The following RNF146 variants were observed in gnomAD, a reference collection of about 807,000 sequenced individuals.
RNF146 encodes the protein E3 ubiquitin-protein ligase RNF146.
In RNF146, 11 loss-of-function variants were observed where a neutral mutation model predicts 29.7. The ratio of observed to expected loss-of-function variants is 0.37; its 90% confidence interval spans 0.23 to 0.61. The LOEUF is 0.61. RNF146 is among the 20% of genes least tolerant of loss of function. The probability of loss-of-function intolerance (pLI) is 0.66; values close to 1 mark genes in which losing one functional copy is unlikely to be tolerated. For missense variants in RNF146, 342 were observed against 438.9 expected (o/e 0.78, Z 1.97); for synonymous variants, 150 against 159.7 (o/e 0.94, Z 0.46).
chr6:127,277,235 C>A (rs1477288917), intron 1 of RNF146, among the ~76,000 whole-genome samples: 1 of 151,954 alleles, frequency 6.6e-6, no homozygotes, highest in Admixed American at 6.6e-5. Flanking sequence ...TAAATTGTCT[C>A]CTCCTGTCCT....
chr6:127,276,923 C>T (rs969732045), intron 1 of RNF146, among the ~76,000 whole-genome samples: 2 of 151,912 alleles, frequency 1.3e-5, no homozygotes, highest in Admixed American at 6.6e-5. Flanking sequence ...TGTCTACTGG[C>T]CTAGAATTTC....
intron 1 of RNF146, among the ~76,000 whole-genome samples, chr6:127,279,490 A>G (rs1324680629): frequency 2.0e-5 from 3 of 151,780 alleles, no homozygotes; most frequent in Non-Finnish European, 2.9e-5. Flanking sequence ...TATCTGTCCT[A>G]TGCCAGCACC....
chr6:127,280,652 C>A (rs1232466280), intron 2 of RNF146: 1 of 789,140 alleles, frequency 1.3e-6, no homozygotes, highest in East Asian at 8.0e-5. Context: ...TCTTAAATAA[C>A]TAAGCTAGGC....
intron 2 of RNF146, 78 bp downstream of exon 2, chr6:127,280,418 C>A: frequency 6.7e-7 from 1 of 1,491,510 alleles, no homozygotes; most frequent in African/African-American, 1.4e-5. Context: ...AATTGAGTAT[C>A]TGTCATATGT....
chr6:127,282,913 A>T (rs866943783), intron 2 of RNF146, among the ~76,000 whole-genome samples: 2 of 151,848 alleles, frequency 1.3e-5, no homozygotes, highest in Non-Finnish European at 2.9e-5. Context: ...TTCTAAATTC[A>T]GACTTTAAAA....
intron 1 of RNF146, among the ~76,000 whole-genome samples, chr6:127,271,121 G>A (rs1049480099): frequency 4.6e-5 from 7 of 151,976 alleles, no homozygotes; most frequent in Non-Finnish European, 7.4e-5. Flanking sequence ...GCCTCCTTAC[G>A]ATTTTTTAAA....
chr6:127,288,552 T>C lies in RNF146; in HGVS notation c.*859T>C, dbSNP rs557985113. On this transcript the variant is annotated 3_prime_UTR_variant, in exon 3 of 3. Transcript: ENST00000368314. ...GCAGTGTGTATATAATAAACATGTA[T>C]GGAAATAAAACTAAAGCCTGTGAGA... is the stretch of plus-strand genomic sequence containing the variant. 6.0e-5 allele frequency: 10 copies of C among 166,986 alleles called. No homozygotes were observed. The East Asian group carries it at 1.9e-3, about 32-fold the overall frequency. 10.3% of individuals were successfully genotyped at this position (166,986 alleles called of 1,614,324 possible).
intron 1 of RNF146, among the ~76,000 whole-genome samples, chr6:127,268,279 T>C (rs188866208): frequency 2.2e-4 from 34 of 152,192 alleles, no homozygotes; most frequent in Admixed American, 6.5e-4. Flanking sequence ...TATATAATTA[T>C]AGAATTTGGA....
Position 127,287,492 on chromosome 6 carries a change from T to C in RNF146, c.879T>C (p.Ser293=), listed in dbSNP as rs1012273525. The C allele has an allele frequency of 5.0e-6, 8 of 1,613,108 alleles. No homozygotes were observed. Among genetic ancestry groups the C allele is most frequent in the Non-Finnish European group, 6.8e-6 (8 of 1,179,578 alleles). ...TSIEETESDA[S]SDSEDVSAVV... Reference sequence around the variant, plus strand: ...TTGAAGAAACTGAATCAGATGCCAGTAGTGATAGTGAGGATGTATCTGCAG... The same window carrying C: ...TTGAAGAAACTGAATCAGATGCCAGCAGTGATAGTGAGGATGTATCTGCAG... Residue 293 remains serine, a synonymous_variant, in exon 3 of 3, where the codon AGT becomes AGC. Transcript: ENST00000368314.
intron 1 of RNF146, among the ~76,000 whole-genome samples, chr6:127,267,955 T>C (rs1464606193): frequency 6.6e-6 from 1 of 152,270 alleles, no homozygotes; most frequent in African/African-American, 2.4e-5. Context: ...AGGTAAAACC[T>C]ACAGGACTGT....
chr6:127,285,911 A>ATTGT (rs1779456157), intron 2 of RNF146: 2 of 494,616 alleles, frequency 4.0e-6, no homozygotes, highest in Non-Finnish European at 6.2e-6. Flanking sequence ...ACCCATCAGT[A>ATTGT]CTTAGTATTG....
At chr6:127,282,735 C>T (rs1197728135) in intron 2 of RNF146, among the ~76,000 whole-genome samples, 1 of 151,744 alleles carries the variant, frequency 6.6e-6, no homozygotes, top group African/African-American at 2.4e-5. Flanking sequence ...ACCTGCTGTT[C>T]AAATGGTCTG....
chr6:127,268,541 G>A (rs1012918098), intron 1 of RNF146, among the ~76,000 whole-genome samples: 1 of 152,170 alleles, frequency 6.6e-6, no homozygotes, highest in South Asian at 2.1e-4. Flanking sequence ...GATTTTGGAT[G>A]TGTTTGTTTT....
At chr6:127,272,151 T>C (rs569692501) in intron 1 of RNF146, among the ~76,000 whole-genome samples, 1 of 152,322 alleles carries the variant, frequency 6.6e-6, no homozygotes, top group South Asian at 2.1e-4. Context: ...TTCCTGAGCT[T>C]AGGCTTCCTC....
chr6:127,275,428 A>G (rs1440741752), intron 1 of RNF146, among the ~76,000 whole-genome samples: 1 of 152,130 alleles, frequency 6.6e-6, no homozygotes, highest in Non-Finnish European at 1.5e-5. Flanking sequence ...ATTTGAATAA[A>G]TCTAATCCTT....
At chr6:127,268,237 A>G (rs900150599) in intron 1 of RNF146, among the ~76,000 whole-genome samples, 1 of 152,182 alleles carries the variant, frequency 6.6e-6, no homozygotes, top group Non-Finnish European at 1.5e-5. Flanking sequence ...TTCAAATGGG[A>G]TGTGAACGTA....
intron 2 of RNF146, chr6:127,285,349 G>A (rs777980589): frequency 1.5e-5 from 15 of 984,454 alleles, no homozygotes; most frequent in African/African-American, 1.0e-4. Flanking sequence ...TTTGATGAGC[G>A]TAAGCATTCT....
Position 127,287,091 on chromosome 6 carries a change from C to T in RNF146, c.478C>T (p.His160Tyr). 6.2e-7 allele frequency: 1 copy of T among 1,613,262 alleles called. No individual in the cohort carries two copies. The highest frequency in any genetic ancestry group is 8.5e-7 in the Non-Finnish European group (1 of 1,179,572). The change falls in exon 3 of 3, where the codon CAT (histidine) becomes TAT (tyrosine). Residue 160 changes from histidine (H) to tyrosine (Y), a missense_variant. His to Tyr is a moderately conservative substitution (Grantham distance 83). Coordinates refer to ENST00000368314, the MANE Select transcript of RNF146 (RefSeq NM_001242850.2). ...ENMVQYRRNE[H>Y]GRRRKIKRDI... ...CATGGTTCAATATAGGAGAAATGAA[C>T]ATGGACGTCGCAGGAAGATTAAGCG...
In RNF146 at chr6:127,287,371, G is replaced by T. The variant is rs752716075; in HGVS notation, c.758G>T (p.Ser253Ile). 6.2e-7 allele frequency: 1 copy of T among 1,613,446 alleles called. No homozygotes were observed. Among genetic ancestry groups the T allele is most frequent in the Non-Finnish European group, 8.5e-7 (1 of 1,179,644 alleles). Residue 253 changes from serine (S) to isoleucine (I), a missense_variant, in exon 3 of 3, where the codon AGT becomes ATT. Physicochemically the swap from Ser to Ile is moderately radical, Grantham distance 142. Coordinates refer to ENST00000368314, the MANE Select transcript of RNF146 (RefSeq NM_001242850.2). ...GACTCTTTTGCTCATTTACAACTCA[G>T]TGGAGACAACACAGCTGAAAGGAGT... ...LEDSFAHLQL[S>I]GDNTAERSHR...
Sources: gnomAD v4.1 joint callset for allele counts (sites outside exome capture counted in the v4.1 genomes callset) on GRCh38, gnomAD v4.1.1 for gene constraint, MANE v1.5 for transcripts, NCBI Gene and HGNC (gene_info 2026-07-23, HGNC 2026-07-21) for gene names.